Variants in ZNF43 observed in about 807,000 individuals in gnomAD.
ZNF43 encodes zinc finger protein 43.
A neutral mutation model predicts 68.4 loss-of-function variants in ZNF43; 44 were observed. The ratio of observed to expected loss-of-function variants is 0.64; its 90% CI spans 0.51 to 0.83. ZNF43 has a LOEUF of 0.83. Ranked by LOEUF, ZNF43 falls within the 40% of genes least tolerant of loss-of-function variation. ZNF43 has a pLI of 0.00. For missense variants in ZNF43, 896 were observed against 933.2 expected (o/e 0.96, Z 0.52); for synonymous variants, 308 against 307.8 (o/e 1.00, Z -0.01).
In ZNF43 at chr19:21,807,455, A is replaced by T; in HGVS notation, c.*152T>A. ...AAGTAAAAATTCTTTCCTGTGCAATAAGGTACGAGCATTAATTAAAAGTTT... is the reference window on the plus strand; with the variant it reads ...AAGTAAAAATTCTTTCCTGTGCAATTAGGTACGAGCATTAATTAAAAGTTT... On this transcript the variant is annotated 3_prime_UTR_variant, in exon 4 of 4. Transcript: ENST00000354959. 1 of 712,068 alleles carries T rather than the reference A, an allele frequency of 1.4e-6. No homozygotes were observed. Among genetic ancestry groups the T allele is most frequent in the Non-Finnish European group, 2.2e-6 (1 of 464,622 alleles). 44.1% of individuals were successfully genotyped at this position (712,068 alleles called of 1,614,324 possible). A position where few individuals can be genotyped will look rare whatever the true frequency, so the allele number is the denominator to read the frequency against.
intron 1 of ZNF43, among the ~76,000 whole-genome samples, chr19:21,835,514 C>G (rs888938268): frequency 2.0e-5 from 3 of 151,224 alleles, no homozygotes; most frequent in African/African-American, 7.3e-5. Context: ...CGCGCCACCA[C>G]GCCCAGCTAA....
At chr19:21,830,451 C>G (rs2038370618) in intron 1 of ZNF43, among the ~76,000 whole-genome samples, 1 of 150,612 alleles carries the variant, frequency 6.6e-6, no homozygotes, top group Non-Finnish European at 1.5e-5. Flanking sequence ...ACTGACCCAA[C>G]AACAACAAAA....
intron 1 of ZNF43, among the ~76,000 whole-genome samples, chr19:21,831,883 A>G (rs1052739867): frequency 6.6e-6 from 1 of 152,214 alleles, no homozygotes; most frequent in Non-Finnish European, 1.5e-5. Flanking sequence ...TCAAAAAGTA[A>G]GAGATGATAC....
At chr19:21,812,362 C>A (rs2037320425) in intron 3 of ZNF43, among the ~76,000 whole-genome samples, 4 of 152,166 alleles carry the variant, frequency 2.6e-5, no homozygotes, top group Admixed American at 2.0e-4. Context: ...GATCCGCCCG[C>A]CTCAGCCTCC....
At chr19:21,843,599 G>A (rs568405662) in intron 1 of ZNF43, among the ~76,000 whole-genome samples, 1 of 152,182 alleles carries the variant, frequency 6.6e-6, no homozygotes, top group East Asian at 1.9e-4. Flanking sequence ...GACCAGCCTG[G>A]CCAACATGGC....
At chr19:21,826,076 G>C (rs114427176) in intron 1 of ZNF43, among the ~76,000 whole-genome samples, 3,515 of 151,984 alleles carry the variant, frequency 0.023, 145 homozygotes, top group African/African-American at 0.078. Context: ...TAAATGAAGA[G>C]GTAAATGGTT....
At position 21,836,108 on chromosome 19, in the gene ZNF43, A is replaced by G; in HGVS notation, c.-70T>C. 6.2e-7 allele frequency: 1 copy of G among 1,611,424 alleles called. No homozygotes were observed. The highest frequency in any genetic ancestry group is 8.5e-7 in the Non-Finnish European group (1 of 1,178,214). On this transcript the variant is annotated 5_prime_UTR_variant, in exon 1 of 4. Coordinates refer to ENST00000354959, the MANE Select transcript of ZNF43 (RefSeq NM_003423.4). ...CAATACCCGCAGGTCACAGAGCCAC[A>G]GAGGCTGGACCTCTAGCAGCAGAGG...
At chr19:21,831,075 G>T (rs917397469) in intron 1 of ZNF43, among the ~76,000 whole-genome samples, 1 of 152,054 alleles carries the variant, frequency 6.6e-6, no homozygotes, top group African/African-American at 2.4e-5. Context: ...AACCCTCAAC[G>T]AACTAGGCAT....
At chr19:21,813,296 T>A (rs2037369758) in intron 3 of ZNF43, among the ~76,000 whole-genome samples, 1 of 151,690 alleles carries the variant, frequency 6.6e-6, no homozygotes, top group South Asian at 2.1e-4. Context: ...AATGAAATCA[T>A]CAAATACAAA....
Position 21,808,227 on chromosome 19 carries a change from TA to T in ZNF43, c.1809del (p.Phe603LeufsTer40), listed in dbSNP as rs776285885. On this transcript the variant is annotated frameshift_variant, in exon 4 of 4. Transcript: ENST00000354959. LOFTEE classifies it high-confidence loss of function. The stretch of plus-strand genomic sequence containing the variant: ...TGTGTAGTAAGGTTTGAAGATTGGG[TA>T]AAAGCTTTGCCACATTCTTCACATT... ...FYKCEECGKA[F>X]TQSSNLTTHK... is the part of the protein sequence containing the mutation. The T allele has an allele frequency of 1.2e-5, 20 of 1,613,614 alleles. No individual in the cohort carries two copies. The African/African-American group carries it at 2.7e-4, about 22-fold the overall frequency.
At chr19:21,822,317 T>C (rs1442382161) in intron 1 of ZNF43, among the ~76,000 whole-genome samples, 1 of 54,102 alleles carries the variant, frequency 1.8e-5, no homozygotes, top group Non-Finnish European at 4.1e-5. Context: ...CTTGTGTATG[T>C]ATCTTGAACC....
At chr19:21,824,617 T>G (rs2038017446) in intron 1 of ZNF43, among the ~76,000 whole-genome samples, 1 of 151,926 alleles carries the variant, frequency 6.6e-6, no homozygotes, top group Admixed American at 6.6e-5. Flanking sequence ...TATGTACAGA[T>G]TCTATGTTGG....
intron 1 of ZNF43, among the ~76,000 whole-genome samples, chr19:21,831,243 C>T (rs537565084): frequency 6.6e-6 from 1 of 152,270 alleles, no homozygotes; most frequent in South Asian, 2.1e-4. Flanking sequence ...ATTGGAAATA[C>T]TGGACAGAGC....
At chr19:21,844,921 A>AAAAAAAAATATATATATAT (rs1310761266) in intron 1 of ZNF43, among the ~76,000 whole-genome samples, 1 of 26,046 alleles carries the variant, frequency 3.8e-5, no homozygotes, top group African/African-American at 2.2e-4. Context: ...AAAAAAAAAA[A>AAAAAAAAATATATATATAT]ATATATATAT....
At position 21,807,187 on chromosome 19, in the gene ZNF43, G is replaced by A. The variant is rs1375983051; in HGVS notation, c.*420C>T. 1 of 153,710 alleles carries A rather than the reference G, an allele frequency of 6.5e-6. No homozygotes were observed. The highest frequency in any genetic ancestry group is 1.4e-5 in the Non-Finnish European group (1 of 69,156). 9.5% of individuals were successfully genotyped at this position (153,710 alleles called of 1,614,324 possible). A position where few individuals can be genotyped will look rare whatever the true frequency, so the allele number is the denominator to read the frequency against. ...AGCAACTGCTTCAGGGTTTTCTTTA[G>A]TACAAAATGTGTACAATAAGATCTG... is the stretch of plus-strand genomic sequence containing the variant. On this transcript the variant is annotated 3_prime_UTR_variant, in exon 4 of 4. Coordinates refer to ENST00000354959, the MANE Select transcript of ZNF43 (RefSeq NM_003423.4).
chr19:21,809,268 G>C lies in ZNF43; in HGVS notation c.769C>G (p.Leu257Val). 6.2e-7 allele frequency: 1 copy of C among 1,613,384 alleles called. No individual in the cohort carries two copies. Among genetic ancestry groups the C allele is most frequent in the Non-Finnish European group, 8.5e-7 (1 of 1,179,804 alleles). ...TTGCCACATTCTTCACATTTGTAGA[G>C]TTTGTATCTAGTATAATTTTTTTTA... ...THKKNYTRYK[L>V]YKCEECGKAF... The change falls in exon 4 of 4, where the codon CTC becomes GTC. Residue 257 changes from leucine (L) to valine (V), a missense_variant. Physicochemically the swap from Leu to Val is conservative, Grantham distance 32. Transcript: ENST00000354959.
At chr19:21,832,461 C>T (rs1025966179) in intron 1 of ZNF43, among the ~76,000 whole-genome samples, 3 of 152,026 alleles carry the variant, frequency 2.0e-5, no homozygotes, top group African/African-American at 7.2e-5. Flanking sequence ...TCATTCTAGA[C>T]ATAAGAACCA....
chr19:21,816,740 T>G (rs769895705), intron 3 of ZNF43, among the ~76,000 whole-genome samples: 11 of 152,116 alleles, frequency 7.2e-5, no homozygotes, highest in Admixed American at 3.3e-4. Context: ...TCCTCTCTGG[T>G]ACTCAGTGAA....
chr19:21,843,333 A>G (rs376881190), intron 1 of ZNF43: 1 of 984,346 alleles, frequency 1.0e-6, no homozygotes, highest in Non-Finnish European at 1.2e-6. Context: ...ACACCTGCAG[A>G]AAGACCCAGA....
Sources: gnomAD v4.1 joint callset for allele counts (sites outside exome capture counted in the v4.1 genomes callset) on GRCh38, gnomAD v4.1.1 for gene constraint, MANE v1.5 for transcripts, NCBI Gene and HGNC (gene_info 2026-07-23, HGNC 2026-07-21) for gene names.